Variants in PCDH15 observed in about 807,000 individuals in gnomAD.
PCDH15 encodes protocadherin-15.
In PCDH15, 129 loss-of-function variants were observed where a neutral mutation model predicts 178.5. That is an observed-to-expected ratio of 0.72 (90% CI 0.63 to 0.84). PCDH15 has a LOEUF of 0.84. Among genes scored for constraint, PCDH15 ranks in the 40% least tolerant of loss-of-function variants. The pLI, the probability that PCDH15 is intolerant of heterozygous loss-of-function variation, is 0.00. For missense variants in PCDH15, 2,230 were observed against 2,099.9 expected (o/e 1.06, Z -1.21); for synonymous variants, 800 against 732.0 (o/e 1.09, Z -1.50).
rs115570292 is a variant in PCDH15 at position 54,513,990 on chromosome 10, C to T, written c.157+13822G>A. 2.6e-3 allele frequency among the ~76,000 whole-genome samples: 399 copies of T among 152,268 alleles called. 1 individual carries two copies. The highest frequency in any genetic ancestry group is 8.8e-3 in the African/African-American group (366 of 41,552). ...CATGTTTACCTTCCATCTGTCTTCT[C>T]CCTAGAGCATGGCTTCGTATTCACA... is the stretch of plus-strand genomic sequence containing the variant. On this transcript the variant is annotated intron_variant, in intron 3 of 37. Coordinates refer to ENST00000644397, the MANE Select transcript of PCDH15 (RefSeq NM_001384140.1).
chr10:55,549,281 C>A (rs1158953667), intron 2 of PCDH15, among the ~76,000 whole-genome samples: 1 of 152,020 alleles, frequency 6.6e-6, no homozygotes, highest in Non-Finnish European at 1.5e-5. Flanking sequence ...AAGTTCAAAT[C>A]ATTTTCAGAT....
intron 2 of PCDH15, among the ~76,000 whole-genome samples, chr10:55,153,060 A>G (rs1838781590): frequency 6.6e-6 from 1 of 152,160 alleles, no homozygotes; most frequent in Non-Finnish European, 1.5e-5. Context: ...TAAATCCAAG[A>G]TAACAAATTA....
chr10:54,417,428 T>A (rs1256700591), intron 3 of PCDH15, among the ~76,000 whole-genome samples: 1 of 152,150 alleles, frequency 6.6e-6, no homozygotes, highest in East Asian at 1.9e-4. Flanking sequence ...ATTTAAGAGA[T>A]TAAAAGAAAT....
At chr10:54,006,483 T>A (rs956625776) in intron 20 of PCDH15, among the ~76,000 whole-genome samples, 8 of 152,170 alleles carry the variant, frequency 5.3e-5, no homozygotes, top group Non-Finnish European at 1.2e-4. Context: ...ATACAATAGG[T>A]ATGCTGTAGA....
At chr10:54,782,027 A>T (rs899732078) in intron 1 of PCDH15, among the ~76,000 whole-genome samples, 1 of 152,180 alleles carries the variant, frequency 6.6e-6, no homozygotes, top group African/African-American at 2.4e-5. Flanking sequence ...AAGGGGCTTT[A>T]AAAAAAGCAA....
rs201647527 is a variant in PCDH15, at chr10:53,888,282, C to CTATATA, written c.3501+14955_3501+14960dup. 7.3e-4 allele frequency among the ~76,000 whole-genome samples: 70 copies of CTATATA among 95,396 alleles called. 9 individuals carry two copies. Among genetic ancestry groups the CTATATA allele is most frequent in the African/African-American group, 4.3e-3 (67 of 15,688 alleles). The allele number at this position is 95,396 out of a possible 152,430, so 62.6% of individuals were successfully genotyped here. A position where few individuals can be genotyped will look rare whatever the true frequency, so the allele number is the denominator to read the frequency against. On this transcript the variant is annotated intron_variant, in intron 26 of 37. Coordinates refer to ENST00000644397, the MANE Select transcript of PCDH15 (RefSeq NM_001384140.1). ...TTGGATACAAATAAACATTCCAACA[C>CTATATA]TATATATACATATATATATATATAT...
At chr10:53,854,974 T>G (rs1267252245) in intron 28 of PCDH15, among the ~76,000 whole-genome samples, 2 of 152,046 alleles carry the variant, frequency 1.3e-5, no homozygotes, top group African/African-American at 4.8e-5. Context: ...CCTATCTACT[T>G]AAGAAGCATT....
At chr10:54,069,849 TTTAA>T (rs1468642649) in intron 17 of PCDH15, among the ~76,000 whole-genome samples, 1 of 152,176 alleles carries the variant, frequency 6.6e-6, no homozygotes, top group African/African-American at 2.4e-5. Context: ...AACAGATCAC[TTTAA>T]TTAATTGTTA....
chr10:55,225,033 T>C (rs573906973), intron 1 of PCDH15, among the ~76,000 whole-genome samples: 1 of 152,242 alleles, frequency 6.6e-6, no homozygotes, highest in African/African-American at 2.4e-5. Context: ...TTATCCTTAT[T>C]AAAACAATCT....
At chr10:55,292,727 T>G (rs1843038436) in intron 1 of PCDH15, among the ~76,000 whole-genome samples, 1 of 152,182 alleles carries the variant, frequency 6.6e-6, no homozygotes. Context: ...TTTAACTCCA[T>G]GTTTCACATC....
At chr10:55,212,831 T>C (rs1840603918) in intron 1 of PCDH15, among the ~76,000 whole-genome samples, 1 of 152,110 alleles carries the variant, frequency 6.6e-6, no homozygotes, top group Admixed American at 6.5e-5. Flanking sequence ...GCATTGGCTA[T>C]AGTCCTACTT....
chr10:53,913,236 A>G (rs1234426015), intron 25 of PCDH15, among the ~76,000 whole-genome samples: 3 of 152,192 alleles, frequency 2.0e-5, no homozygotes, highest in African/African-American at 7.2e-5. Context: ...GTGGCTAGCC[A>G]TATGTAGAAA....
intron 23 of PCDH15, among the ~76,000 whole-genome samples, chr10:53,949,800 C>T (rs1197413642): frequency 6.6e-6 from 1 of 152,156 alleles, no homozygotes; most frequent in Non-Finnish European, 1.5e-5. Context: ...GAAATGTTAA[C>T]TAGACCTGCT....
Position 54,578,806 on chromosome 10 carries a change from C to T in PCDH15, c.92-50929G>A, listed in dbSNP as rs77333313. On this transcript the variant is annotated intron_variant, in intron 2 of 37. Coordinates refer to ENST00000644397, the MANE Select transcript of PCDH15 (RefSeq NM_001384140.1). ...CCAATCAGGCTGGCAGAAGACTTCT[C>T]AGTAGAAATCTTGCAAGCCAGAAGG... Among the ~76,000 whole-genome samples the T allele has an allele frequency of 9.5e-3, 1,452 of 152,168 alleles. 27 individuals carry two copies. The East Asian group carries it at 0.097, about 10-fold the overall frequency.
intron 2 of PCDH15, among the ~76,000 whole-genome samples, chr10:55,029,215 C>T (rs1247759304): frequency 6.6e-6 from 1 of 151,908 alleles, no homozygotes; most frequent in African/African-American, 2.4e-5. Context: ...GTACCTAGAA[C>T]AAATATCTAC....
chr10:55,075,565 A>G (rs1841867884), intron 2 of PCDH15, among the ~76,000 whole-genome samples: 1 of 151,920 alleles, frequency 6.6e-6, no homozygotes, highest in Admixed American at 6.6e-5. Flanking sequence ...GGGTTTCACC[A>G]TGCTGGCCAA....
At position 54,066,822 on chromosome 10, in the gene PCDH15, G is replaced by A. The variant is rs763829592; in HGVS notation, c.2155C>T (p.Pro719Ser). 3.1e-6 allele frequency: 5 copies of A among 1,613,230 alleles called. No individual in the cohort carries two copies. Among genetic ancestry groups the A allele is most frequent in the African/African-American group, 2.7e-5 (2 of 74,878 alleles). Reference sequence around the variant, plus strand: ...ACAGATAAATTTCTTGGCAGATAAGGATCAAACACTGGAGCATTGTCATTG... The same window carrying A: ...ACAGATAAATTTCTTGGCAGATAAGAATCAAACACTGGAGCATTGTCATTG... ...DVNDNAPVFD[P>S]YLPRNLSVVE... Residue 719 changes from proline to serine, a missense_variant, in exon 18 of 38, where the codon CCT (proline) becomes TCT (serine). Pro to Ser is a moderately conservative substitution (Grantham distance 74). Transcript: ENST00000644397.
At chr10:55,436,931 T>A (rs1839055175) in intron 2 of PCDH15, among the ~76,000 whole-genome samples, 1 of 152,198 alleles carries the variant, frequency 6.6e-6, no homozygotes, top group Admixed American at 6.5e-5. Context: ...GTTAAAAATG[T>A]TCTCGTTGAT....
rs1843546283 is a variant in PCDH15 at position 55,619,560 on chromosome 10, T to A, written c.-156+8065A>T. ...TGAACATAAAATGCCTAGCTTGCAA[T>A]AACTTTAGAAAATACTAGGAGTTTG... On this transcript the variant is annotated intron_variant, in intron 2 of 5. Transcript: ENST00000613346. Among the ~76,000 whole-genome samples the A allele has an allele frequency of 2.6e-5, 4 of 152,030 alleles. No homozygotes were observed. The South Asian group carries it at 8.3e-4, about 31-fold the overall frequency.
Sources: allele counts gnomAD v4.1 joint callset (sites outside exome capture counted in the v4.1 genomes callset), GRCh38; gene constraint gnomAD v4.1.1; transcripts MANE v1.5; gene names NCBI Gene and HGNC (gene_info 2026-07-23, HGNC 2026-07-21).